ATL3: variants seen among roughly 807,000 people sequenced by gnomAD.
The protein encoded by ATL3 is atlastin-3.
Under a neutral mutation model 69.5 loss-of-function variants are expected in ATL3, and 49 were observed. The observed-to-expected ratio is 0.71, with a 90% CI of 0.56 to 0.89. The LOEUF (loss-of-function observed/expected upper bound fraction) is 0.89, where lower values mean the gene tolerates loss of function less well. ATL3 is among the 40% of genes least tolerant of loss of function. The pLI, the probability that ATL3 is intolerant of heterozygous loss-of-function variation, is 0.00. For synonymous variants in ATL3, 214 were observed against 224.1 expected, an observed-to-expected ratio of 0.95 and a Z score of 0.40; for missense variants, 606 against 645.7, an observed-to-expected ratio of 0.94 and a Z score of 0.67.
intron 1 of ATL3, among the ~76,000 whole-genome samples, chr11:63,663,979 G>A (rs889091489): frequency 6.6e-6 from 1 of 152,182 alleles, no homozygotes; most frequent in South Asian, 2.1e-4. Context: ...GTAAAAGTGG[G>A]AGTGAATCAT....
At chr11:63,671,670 G>A (rs1383234327), upstream of ATL3, 1 of 1,367,490 alleles carries the variant, frequency 7.3e-7, no homozygotes, top group Admixed American at 2.3e-5. Context: ...CCGTCCTTTG[G>A]GAATTGTAGT....
At chr11:63,671,760 AC>A, upstream of ATL3, 1 of 1,194,158 alleles carries the variant, frequency 8.4e-7, no homozygotes, top group South Asian at 1.5e-5. Flanking sequence ...TTCTCCGACG[AC>A]TGAACTACAA....
intron 1 of ATL3, among the ~76,000 whole-genome samples, chr11:63,661,671 C>A (rs960800667): frequency 6.6e-6 from 1 of 152,092 alleles, no homozygotes; most frequent in African/African-American, 2.4e-5. Flanking sequence ...GGGCAGATCA[C>A]CTGAGGTTGT....
chr11:63,664,256 A>C (rs1041551419), intron 1 of ATL3, among the ~76,000 whole-genome samples: 4 of 152,164 alleles, frequency 2.6e-5, no homozygotes, highest in African/African-American at 9.7e-5. Flanking sequence ...TTACTGAGCG[A>C]GGCCAGCCTC....
intron 1 of ATL3, among the ~76,000 whole-genome samples, chr11:63,662,056 T>C (rs1940438616): frequency 6.7e-6 from 1 of 148,884 alleles, no homozygotes; most frequent in Non-Finnish European, 1.5e-5. Flanking sequence ...CTACTAAAAA[T>C]ACAAAAATTA....
chr11:63,629,991 A>G (rs1939252266), intron 12 of ATL3, among the ~76,000 whole-genome samples: 1 of 152,130 alleles, frequency 6.6e-6, no homozygotes, highest in Non-Finnish European at 1.5e-5. Context: ...ATCCAGTAGG[A>G]CTCAAAACCG....
At chr11:63,666,342 C>T (rs999487601) in intron 1 of ATL3, among the ~76,000 whole-genome samples, 3 of 151,106 alleles carry the variant, frequency 2.0e-5, no homozygotes, top group Non-Finnish European at 4.4e-5. Context: ...CCCGGCCTAC[C>T]CTCTATTTGG....
intron 1 of ATL3, among the ~76,000 whole-genome samples, chr11:63,662,404 T>C (rs1328946886): frequency 6.6e-6 from 1 of 152,212 alleles, no homozygotes; most frequent in Admixed American, 6.5e-5. Flanking sequence ...TTAATAATTA[T>C]GCATGTTAAT....
At position 63,624,527 on chromosome 11, in the gene ATL3, A is replaced by C. The variant is rs889382714; in HGVS notation, c.*4792T>G. 2.0e-5 allele frequency: 3 copies of C among 152,222 alleles called. No individual in the cohort carries two copies. Among genetic ancestry groups the C allele is most frequent in the Non-Finnish European group, 4.4e-5 (3 of 68,048 alleles). The allele number at this position is 152,222 out of a possible 1,614,324, so 9.4% of individuals were successfully genotyped here. A position where few individuals can be genotyped will look rare whatever the true frequency, so the allele number is the denominator to read the frequency against. On this transcript the variant is annotated 3_prime_UTR_variant, in exon 13 of 13. Coordinates refer to ENST00000398868, the MANE Select transcript of ATL3 (RefSeq NM_015459.5). ...ACTTAGGTCACTAATGACAGGAATTAGGATCTTGTCTTCTTTCTTGTTCAT... is the reference window on the plus strand; with the variant it reads ...ACTTAGGTCACTAATGACAGGAATTCGGATCTTGTCTTCTTTCTTGTTCAT...
chr11:63,646,951 T>C (rs1448010562), intron 5 of ATL3, among the ~76,000 whole-genome samples: 1 of 152,168 alleles, frequency 6.6e-6, no homozygotes, highest in Non-Finnish European at 1.5e-5. Context: ...AGCCAGTCCT[T>C]ACAGTGTGAT....
chr11:63,635,552 G>A lies in ATL3; in HGVS notation c.1017C>T (p.His339=), dbSNP rs1198796034. The A allele has an allele frequency of 1.5e-5, 24 of 1,612,238 alleles. No individual in the cohort carries two copies. The highest frequency in any genetic ancestry group is 2.0e-5 in the Non-Finnish European group (24 of 1,178,598). ...TGTTTACCTGAAGCATGGACTTGGGGTGAGGCAGATCTTCTCCTTGATAAA... is the reference window on the plus strand; with the variant it reads ...TGTTTACCTGAAGCATGGACTTGGGATGAGGCAGATCTTCTCCTTGATAAA... ...IKIYQGEDLP[H]PKSMLQATAE... is the part of the protein sequence containing the mutation. Residue 339 remains histidine (H), a synonymous_variant, in exon 10 of 13, where the codon CAC becomes CAT. Transcript: ENST00000398868.
chr11:63,668,962 C>A (rs1433982834), intron 1 of ATL3, among the ~76,000 whole-genome samples: 1 of 146,756 alleles, frequency 6.8e-6, no homozygotes, highest in Non-Finnish European at 1.5e-5. Flanking sequence ...GTAGCCAGAA[C>A]TACAGGCCTG....
intron 8 of ATL3, among the ~76,000 whole-genome samples, chr11:63,639,037 T>G (rs550496278): frequency 9.8e-5 from 15 of 152,350 alleles, no homozygotes; most frequent in South Asian, 4.1e-4. Flanking sequence ...AGAACAGGAC[T>G]GCAGAATCTC....
rs1049163985 is a variant in ATL3, at chr11:63,624,092, T to A, written c.*5227A>T. ...GAAAGAAAACACAGATAACATGGTG[T>A]TGTGATCTTTATTCCATTAAATGAT... On this transcript the variant is annotated 3_prime_UTR_variant, in exon 13 of 13. Coordinates refer to ENST00000398868, the MANE Select transcript of ATL3 (RefSeq NM_015459.5). 1 of 152,206 alleles carries A rather than the reference T, an allele frequency of 6.6e-6. No individual in the cohort carries two copies. Among genetic ancestry groups the A allele is most frequent in the Non-Finnish European group, 1.5e-5 (1 of 68,042 alleles). 9.4% of individuals were successfully genotyped at this position (152,206 alleles called of 1,614,324 possible). A position where few individuals can be genotyped will look rare whatever the true frequency, so the allele number is the denominator to read the frequency against.
chr11:63,668,524 C>T (rs137991990), intron 1 of ATL3, among the ~76,000 whole-genome samples: 71 of 152,260 alleles, frequency 4.7e-4, no homozygotes, highest in African/African-American at 1.7e-3. Flanking sequence ...AAAATCTTTT[C>T]GCCATAGCAC....
intron 1 of ATL3, among the ~76,000 whole-genome samples, chr11:63,659,627 G>T (rs1469600535): frequency 1.3e-5 from 2 of 151,330 alleles, no homozygotes; most frequent in East Asian, 3.9e-4. Context: ...AACAAAAAAC[G>T]GACACAAAAA....
intron 10 of ATL3, 72 bp downstream of exon 10, chr11:63,635,462 A>G: frequency 1.6e-6 from 2 of 1,275,630 alleles, no homozygotes; most frequent in Non-Finnish European, 2.2e-6. Flanking sequence ...TTCCTAAAGA[A>G]CTCTGCTTAT....
At chr11:63,634,989 G>C (rs571879326) in intron 10 of ATL3, among the ~76,000 whole-genome samples, 4 of 151,428 alleles carry the variant, frequency 2.6e-5, no homozygotes, top group Admixed American at 6.6e-5. Context: ...TGGCTAAACC[G>C]ATCTCTATTA....
chr11:63,629,291 G>A lies in ATL3; in HGVS notation c.*28C>T, dbSNP rs763804688. 6.3e-7 allele frequency: 1 copy of A among 1,587,392 alleles called. No individual in the cohort carries two copies. The highest frequency in any genetic ancestry group is 8.7e-7 in the Non-Finnish European group (1 of 1,155,748). On this transcript the variant is annotated 3_prime_UTR_variant, in exon 13 of 13. Transcript: ENST00000398868. ...CCAGAAATCAGTAGGGGCTTGTTGT[G>A]TTCTTGTTTGATCTTCACGTTAAGA...
Sources: allele counts gnomAD v4.1 joint callset (sites outside exome capture counted in the v4.1 genomes callset), GRCh38; gene constraint gnomAD v4.1.1; transcripts MANE v1.5; gene names NCBI Gene and HGNC (gene_info 2026-07-23, HGNC 2026-07-21).